The following VPS13D variants were observed in gnomAD, a reference collection of about 807,000 sequenced individuals.
VPS13D encodes the protein vacuolar protein sorting 13 homolog D.
A neutral mutation model predicts 461.9 loss-of-function variants in VPS13D; 187 were observed. The ratio of observed to expected loss-of-function variants is 0.40; its 90% CI spans 0.36 to 0.46. The LOEUF (loss-of-function observed/expected upper bound fraction) is 0.46, where lower values mean the gene tolerates loss of function less well. Ranked by LOEUF, VPS13D falls within the 20% of genes least tolerant of loss-of-function variation. The probability of loss-of-function intolerance (pLI) is 0.60; values close to 1 mark genes in which losing one functional copy is unlikely to be tolerated. For missense variants in VPS13D, 4,711 were observed against 5,364.9 expected, an observed-to-expected ratio of 0.88 and a Z score of 3.81; for synonymous variants, 1,951 against 1,986.3, an observed-to-expected ratio of 0.98 and a Z score of 0.47.
rs773754155 is a variant in VPS13D at position 12,507,298 on chromosome 1, A to AC, written c.13035+208dup. On this transcript the variant is annotated intron_variant, in intron 69 of 69. Transcript: ENST00000620676. This position sits in a 1 kb window ranked among gnomAD's most constrained non-coding sequence, Gnocchi z 5.3. The stretch of plus-strand genomic sequence containing the variant: ...TGCCCTCCCAGCTGGCCCATGGGTG[A>AC]CCCTGGGAACATTAACTGCCTCACA... The AC allele has an allele frequency of 1.2e-5, 11 of 888,552 alleles. No individual in the cohort carries two copies. The highest frequency in any genetic ancestry group is 1.9e-5 in the Non-Finnish European group (10 of 534,216). 55.0% of individuals were successfully genotyped at this position (888,552 alleles called of 1,614,324 possible). A position where few individuals can be genotyped will look rare whatever the true frequency, so the allele number is the denominator to read the frequency against.
chr1:12,344,436 G>A (rs1455720245), intron 42 of VPS13D, among the ~76,000 whole-genome samples: 1 of 152,130 alleles, frequency 6.6e-6, no homozygotes, highest in Non-Finnish European at 1.5e-5. Context: ...ACTATGCTGG[G>A]CACACATGTG....
chr1:12,400,962 G>GCACACACACACACACA (rs55998605), intron 61 of VPS13D, among the ~76,000 whole-genome samples: 4 of 106,296 alleles, frequency 3.8e-5, no homozygotes, highest in East Asian at 2.6e-4. Context: ...CTGCGCGCGC[G>GCACACACACACACACA]CACACACACA....
chr1:12,326,938 C>T (rs1017056980), intron 35 of VPS13D, among the ~76,000 whole-genome samples: 9 of 152,062 alleles, frequency 5.9e-5, no homozygotes, highest in Non-Finnish European at 1.0e-4. Context: ...CCACTGCACC[C>T]GACCAGTAAT....
At position 12,230,043 on chromosome 1, in the gene VPS13D, G is replaced by T. The variant is rs562299004; in HGVS notation, c.-154G>T. ...GTCGGGGCCGGCCTGAGCGCCGCGGGCCTGCGCCATTGAGGAGCGGCGGGG... is the reference window on the plus strand; with the variant it reads ...GTCGGGGCCGGCCTGAGCGCCGCGGTCCTGCGCCATTGAGGAGCGGCGGGG... On this transcript the variant is annotated 5_prime_UTR_variant, in exon 1 of 70. Coordinates refer to ENST00000620676, the MANE Select transcript of VPS13D (RefSeq NM_015378.4). 10 of 152,064 alleles carry T rather than the reference G, an allele frequency of 6.6e-5. 1 individual carries two copies. Among genetic ancestry groups the T allele is most frequent in the African/African-American group, 2.4e-4 (10 of 41,534 alleles). 9.4% of individuals were successfully genotyped at this position (152,064 alleles called of 1,614,324 possible). A position where few individuals can be genotyped will look rare whatever the true frequency, so the allele number is the denominator to read the frequency against.
intron 2 of VPS13D, among the ~76,000 whole-genome samples, chr1:12,237,466 C>T (rs1640194053): frequency 6.6e-6 from 1 of 151,644 alleles, no homozygotes; most frequent in African/African-American, 2.4e-5. Flanking sequence ...GCACTCTGGC[C>T]TGGGCAACAG....
In VPS13D at chr1:12,435,708, A is replaced by G. The variant is rs533978124; in HGVS notation, c.12333+18881A>G. ...CTCTTAATACCAGTGCAAAAGCAGC[A>G]CTCTATCTAGTAGGCTTCATTCTCG... On this transcript the variant is annotated intron_variant, in intron 65 of 69. Coordinates refer to ENST00000620676, the MANE Select transcript of VPS13D (RefSeq NM_015378.4). Among the ~76,000 whole-genome samples, 68 of 149,078 alleles carry G rather than the reference A, an allele frequency of 4.6e-4. No individual in the cohort carries two copies. In the Middle Eastern group the frequency reaches 0.01, roughly 23 times the overall value.
intron 65 of VPS13D, among the ~76,000 whole-genome samples, chr1:12,425,641 G>A (rs927283943): frequency 1.4e-5 from 2 of 147,618 alleles, no homozygotes; most frequent in African/African-American, 4.9e-5. Flanking sequence ...ATGGGCCTAG[G>A]ATCTTTCCCT....
intron 23 of VPS13D, among the ~76,000 whole-genome samples, chr1:12,292,729 G>A (rs1309080835): frequency 2.6e-5 from 4 of 152,038 alleles, no homozygotes; most frequent in African/African-American, 4.8e-5. Context: ...GTGAGCCACC[G>A]TGCCTGGCCA....
chr1:12,295,851 C>G (rs573444215), intron 24 of VPS13D, among the ~76,000 whole-genome samples: 1 of 152,286 alleles, frequency 6.6e-6, no homozygotes, highest in Non-Finnish European at 1.5e-5. Flanking sequence ...TGGAACCACT[C>G]TGGTGATTTT....
intron 1 of VPS13D, among the ~76,000 whole-genome samples, chr1:12,233,046 C>A (rs1217656609): frequency 2.0e-5 from 3 of 150,576 alleles, no homozygotes; most frequent in Admixed American, 6.6e-5. Flanking sequence ...CACTCTGTCA[C>A]CCAGGCTGGA....
intron 67 of VPS13D, among the ~76,000 whole-genome samples, chr1:12,467,348 T>G (rs1433873474): frequency 1.3e-5 from 2 of 152,090 alleles, no homozygotes; most frequent in African/African-American, 4.8e-5. Context: ...ATTCTTATAT[T>G]TTTAGTAGAG....
rs1640077828 is a variant in VPS13D at position 12,234,309 on chromosome 1, G to A, written c.43G>A (p.Gly15Arg). The change falls in exon 2 of 70, where the codon GGA (glycine) becomes AGA (arginine). Residue 15 changes from glycine to arginine, a missense_variant. Transcript: ENST00000620676. ...AGCCTGGGTTCTCAATACCTATTTG[G>A]GAAAATATGTCAATAACCTGAACAC... ...LVAWVLNTYLGKYVNNLNTDQ... is the reference protein window; with the variant it reads ...LVAWVLNTYLRKYVNNLNTDQ... 6.2e-7 allele frequency: 1 copy of A among 1,614,014 alleles called. No homozygotes were observed. The highest frequency in any genetic ancestry group is 1.3e-5 in the African/African-American group (1 of 75,034).
At chr1:12,504,659 C>A (rs1198120682) in intron 68 of VPS13D, among the ~76,000 whole-genome samples, 2 of 152,230 alleles carry the variant, frequency 1.3e-5, no homozygotes, top group African/African-American at 4.8e-5. Context: ...CCTGCCAGCT[C>A]GGCCTGTGTT....
chr1:12,284,546 G>GCA (rs1209555408), intron 21 of VPS13D, among the ~76,000 whole-genome samples: 1 of 152,222 alleles, frequency 6.6e-6, no homozygotes, highest in Non-Finnish European at 1.5e-5. Flanking sequence ...GGATGTGAAA[G>GCA]CAGTTAACCT....
Position 12,308,601 on chromosome 1 carries a change from C to T in VPS13D, c.6610C>T (p.Pro2204Ser), listed in dbSNP as rs753375836. 7 of 1,613,636 alleles carry T rather than the reference C, an allele frequency of 4.3e-6. No homozygotes were observed. The highest frequency in any genetic ancestry group is 5.9e-6 in the Non-Finnish European group (7 of 1,179,980). The change falls in exon 27 of 70, where the codon CCT (proline) becomes TCT (serine). Residue 2204 changes from proline to serine, a missense_variant. Physicochemically the swap from Pro to Ser is moderately conservative, Grantham distance 74 (BLOSUM62 -1). This residue lies in a region of VPS13D where 4,411 missense variants were observed against 4,937.8 expected (regional missense o/e 0.89). Coordinates refer to ENST00000620676, the MANE Select transcript of VPS13D (RefSeq NM_015378.4). ...GACAGGAGGAAGCCTCTTAACCGAG[C>T]CTTGTAGGCTGAAATTGCAGGTGGA... ...RQTGGSLLTE[P>S]CRLKLQVERN...
In VPS13D at chr1:12,276,843, G is replaced by A. The variant is rs562608497; in HGVS notation, c.3255G>A (p.Gln1085=). 7.7e-5 allele frequency: 125 copies of A among 1,614,198 alleles called. 1 individual carries two copies. The Middle Eastern group carries it at 1.8e-3, about 23-fold the overall frequency. ...AGTCCCTTATTAAGTTGGAATATCA[G>A]TTTGTGAGTTCAGAGTGCCCATCGA... The part of the protein sequence containing the change: ...EQESLIKLEY[Q]FVSSECPSMN... The change falls in exon 19 of 70, where the codon CAG becomes CAA. Residue 1085 remains glutamine, a synonymous_variant. Transcript: ENST00000620676. This position sits in a 1 kb window ranked among gnomAD's most constrained non-coding sequence, Gnocchi z 4.5.
At chr1:12,338,029 C>A in intron 39 of VPS13D, 1 of 451,758 alleles carries the variant, frequency 2.2e-6, no homozygotes, top group Non-Finnish European at 4.0e-6. Context: ...CCAGCCTCCA[C>A]AATAAAAACT....
intron 24 of VPS13D, among the ~76,000 whole-genome samples, chr1:12,297,967 G>A (rs1303862164): frequency 3.9e-5 from 6 of 152,122 alleles, no homozygotes; most frequent in Admixed American, 3.9e-4. Flanking sequence ...ACATATAACT[G>A]AACGCATGTT....
At chr1:12,388,863 A>G (rs1644385188) in intron 60 of VPS13D, among the ~76,000 whole-genome samples, 1 of 152,238 alleles carries the variant, frequency 6.6e-6, no homozygotes, top group Non-Finnish European at 1.5e-5. Flanking sequence ...GAAAAAAGAT[A>G]TAACATGTTG....
Sources: allele counts gnomAD v4.1 joint callset (sites outside exome capture counted in the v4.1 genomes callset), GRCh38; gene constraint gnomAD v4.1.1; regional missense constraint gnomAD v4.1.1; non-coding constraint Gnocchi (gnomAD v3.1); transcripts MANE v1.5; gene names NCBI Gene and HGNC (gene_info 2026-07-23, HGNC 2026-07-21).